The following CELF3 variants were observed in gnomAD, a reference collection of about 807,000 sequenced individuals.
The protein encoded by CELF3 is CUGBP Elav-like family member 3, also known as CAG repeat domain.
A neutral mutation model predicts 59.6 loss-of-function variants in CELF3; 26 were observed. The ratio of observed to expected loss-of-function variants is 0.44; its 90% CI spans 0.32 to 0.61. The LOEUF (loss-of-function observed/expected upper bound fraction) is 0.61, where lower values mean the gene tolerates loss of function less well. CELF3 is among the 20% of genes least tolerant of loss of function. CELF3 has a pLI of 0.06. For missense variants in CELF3, 387 were observed against 627.2 expected (o/e 0.62, Z 4.09); for synonymous variants, 245 against 250.7 (o/e 0.98, Z 0.22).
chr1:151,715,434 G>A (rs1046289778), intron 1 of CELF3, among the ~76,000 whole-genome samples: 2 of 151,920 alleles, frequency 1.3e-5, no homozygotes, highest in Non-Finnish European at 2.9e-5. Flanking sequence ...CCAGCTCCAC[G>A]CTTTCCACAT....
In CELF3 at chr1:151,703,425, C is replaced by T. The variant is rs971658387; in HGVS notation, c.*34G>A. On this transcript the variant is annotated 3_prime_UTR_variant, in exon 13 of 13. Coordinates refer to ENST00000290583, the MANE Select transcript of CELF3 (RefSeq NM_007185.7). Reference sequence around the variant, plus strand: ...AGTCGTGGGAAGAGGGTGTGAGGCGCCCCTTCCTCTGGGATCTCCAGACCT... The same window carrying T: ...AGTCGTGGGAAGAGGGTGTGAGGCGTCCCTTCCTCTGGGATCTCCAGACCT... The T allele has an allele frequency of 2.7e-6, 1 of 364,158 alleles. No homozygotes were observed. The highest frequency in any genetic ancestry group is 5.5e-6 in the Non-Finnish European group (1 of 182,868). 22.6% of individuals were successfully genotyped at this position (364,158 alleles called of 1,614,324 possible).
chr1:151,714,216 C>T (rs917571723), intron 2 of CELF3, among the ~76,000 whole-genome samples: 11 of 152,108 alleles, frequency 7.2e-5, no homozygotes, highest in African/African-American at 2.7e-4. Flanking sequence ...GCCTGCCTTT[C>T]CAGAGTGACA....
At chr1:151,715,741 A>C in intron 1 of CELF3, 135 bp downstream of exon 1, 1 of 1,592,138 alleles carries the variant, frequency 6.3e-7, no homozygotes, top group Non-Finnish European at 8.5e-7. Context: ...CAGCTCCTCC[A>C]TCCACTTTCC....
At chr1:151,704,651 A>T (rs369460039) in intron 12 of CELF3, among the ~76,000 whole-genome samples, 10 of 152,158 alleles carry the variant, frequency 6.6e-5, no homozygotes, top group African/African-American at 2.4e-4. Flanking sequence ...TTAATCCTCC[A>T]GTCCTGTTCC....
At position 151,714,647 on chromosome 1, in the gene CELF3, C is replaced by T; in HGVS notation, c.175G>A (p.Asp59Asn). The T allele has an allele frequency of 6.4e-7, 1 of 1,561,752 alleles. No homozygotes were observed. Among genetic ancestry groups the T allele is most frequent in the Non-Finnish European group, 8.7e-7 (1 of 1,152,676 alleles). The change falls in exon 2 of 13, where the codon GAT (aspartate) becomes AAT (asparagine). Residue 59 changes from aspartate to asparagine, a missense_variant. Physicochemically the swap from Asp to Asn is conservative, Grantham distance 23. Transcript: ENST00000290583. ...GCGCTCTGGGCCTTCAGGGCTGAAT[C>T]CCGGGCACAGTATGTCAGGAAGGCA... ...GCAFLTYCAR[D>N]SALKAQSALH...
chr1:151,706,488 G>A, intron 9 of CELF3, 127 bp from the exon 10 acceptor site: 1 of 1,204,694 alleles, frequency 8.3e-7, no homozygotes, highest in South Asian at 1.5e-5. Flanking sequence ...GGTCAGGGAA[G>A]GAGCTGCCTC....
At chr1:151,708,189 A>T (rs1306707967) in intron 5 of CELF3, 1 of 451,634 alleles carries the variant, frequency 2.2e-6, no homozygotes, top group Non-Finnish European at 3.9e-6. Context: ...TACTGGAATG[A>T]AAAGGGCATC....
At position 151,709,780 on chromosome 1, in the gene CELF3, C is replaced by G; in HGVS notation, c.240G>C (p.Pro80=). 10 of 1,614,148 alleles carry G rather than the reference C, an allele frequency of 6.2e-6. No individual in the cohort carries two copies. The highest frequency in any genetic ancestry group is 1.7e-5 in the Admixed American group (1 of 60,024). ...CGCTGTCGGCTGGCTTGACCTGGAT[C>G]GGCCTGTTCATCTGAAGGAGAGAAG... ...EQKTLPGMNR[P]IQVKPADSES... The change falls in exon 3 of 13, where the codon CCG becomes CCC. Residue 80 remains proline (P), a synonymous_variant. Coordinates refer to ENST00000290583, the MANE Select transcript of CELF3 (RefSeq NM_007185.7). This position sits in a 1 kb window ranked among gnomAD's most constrained non-coding sequence, Gnocchi z 4.9.
Position 151,709,263 on chromosome 1 carries a change from G to A in CELF3, c.363C>T (p.Ile121=), listed in dbSNP as rs375546699. Residue 121 remains isoleucine, a synonymous_variant, in exon 4 of 13, where the codon ATC becomes ATT. Coordinates refer to ENST00000290583, the MANE Select transcript of CELF3 (RefSeq NM_007185.7). The surrounding 1 kb of genome is among the most constrained non-coding windows in gnomAD (Gnocchi z 4.9). ...GCCCCCGGAGCACAGTGCACTCGTC[G>A]ATGGTCCCGAAGGGCTCAAACATCT... The part of the protein sequence containing the change: ...VRKMFEPFGT[I]DECTVLRGPD... 50 of 1,613,934 alleles carry A rather than the reference G, an allele frequency of 3.1e-5. No individual in the cohort carries two copies. The highest frequency in any genetic ancestry group is 1.6e-4 in the Middle Eastern group (1 of 6,078).
At position 151,716,074 on chromosome 1, in the gene CELF3, A is replaced by G. The variant is rs1314410868; in HGVS notation, c.-54T>C. 1 of 1,537,350 alleles carries G rather than the reference A, an allele frequency of 6.5e-7. No homozygotes were observed. The highest frequency in any genetic ancestry group is 2.3e-5 in the East Asian group (1 of 44,040). ...GGAGCAGGGAGAGGCCCAAAGGCCAAGGGGAGCTGCCCAGCAAGGAGATAA... is the reference window on the plus strand; with the variant it reads ...GGAGCAGGGAGAGGCCCAAAGGCCAGGGGGAGCTGCCCAGCAAGGAGATAA... On this transcript the variant is annotated 5_prime_UTR_variant, in exon 1 of 13. Coordinates refer to ENST00000290583, the MANE Select transcript of CELF3 (RefSeq NM_007185.7).
rs80355359 is a variant in CELF3, at chr1:151,701,950, A to G, written c.*1509T>C. On this transcript the variant is annotated 3_prime_UTR_variant, in exon 13 of 13. Coordinates refer to ENST00000290583, the MANE Select transcript of CELF3 (RefSeq NM_007185.7). Reference sequence around the variant, plus strand: ...AGTAAATAAGTAAAATAAATAAACTATAGCCTGCCTCACAAGGTTGTTAGG... The same window carrying G: ...AGTAAATAAGTAAAATAAATAAACTGTAGCCTGCCTCACAAGGTTGTTAGG... Among the ~76,000 whole-genome samples the G allele has an allele frequency of 2.8e-3, 425 of 152,324 alleles. 1 individual carries two copies. Among genetic ancestry groups the G allele is most frequent in the African/African-American group, 9.5e-3 (395 of 41,552 alleles).
Position 151,709,562 on chromosome 1 carries a change from G to A in CELF3, c.277+181C>T, listed in dbSNP as rs1672845627. On this transcript the variant is annotated intron_variant, in intron 3 of 12. Transcript: ENST00000290583. The surrounding 1 kb of genome is among the most constrained non-coding windows in gnomAD (Gnocchi z 4.9). ...GCACTCCACCCTGGGCCTCAGTTTT[G>A]CCATCTGTACCCGCCCCAGATCTCA... 2.2e-6 allele frequency: 2 copies of A among 913,352 alleles called. No individual in the cohort carries two copies. The highest frequency in any genetic ancestry group is 1.6e-5 in the African/African-American group (1 of 60,696). The allele number at this position is 913,352 out of a possible 1,614,324, so 56.6% of individuals were successfully genotyped here.
chr1:151,702,094 T>A lies in CELF3; in HGVS notation c.*1365A>T, dbSNP rs1174060701. Among the ~76,000 whole-genome samples the A allele has an allele frequency of 6.6e-6, 1 of 152,188 alleles. No homozygotes were observed. On this transcript the variant is annotated 3_prime_UTR_variant, in exon 13 of 13. Transcript: ENST00000290583. ...ATCCACACTGGCCTCTGTGCAGAAA[T>A]GGAGGTCCAGATGTGAGACTGCAAG...
chr1:151,706,688 C>G lies in CELF3; in HGVS notation c.969G>C (p.Ala323=). 6.4e-7 allele frequency: 1 copy of G among 1,551,328 alleles called. No homozygotes were observed. The highest frequency in any genetic ancestry group is 1.2e-5 in the South Asian group (1 of 84,050). Residue 323 remains alanine (A), a synonymous_variant, in exon 9 of 13, where the codon GCG becomes GCC. Coordinates refer to ENST00000290583, the MANE Select transcript of CELF3 (RefSeq NM_007185.7). ...CCTCACCTGTGTAGTGCTGCATCCC[C>G]GCGTAGGCCTGCTGCAGGGGGTCCA... ...APVDPLQQAY[A]GMQHYTAAYP...
intron 5 of CELF3, among the ~76,000 whole-genome samples, 186 bp downstream of exon 5, chr1:151,708,812 G>A (rs1360226366): frequency 6.6e-6 from 1 of 152,018 alleles, no homozygotes; most frequent in East Asian, 1.9e-4. Flanking sequence ...TAGGGGAGGA[G>A]TGGGGAGGTG....
chr1:151,709,439 C>G lies in CELF3; in HGVS notation c.278-91G>C. On this transcript the variant is annotated intron_variant, in intron 3 of 12. Coordinates refer to ENST00000290583, the MANE Select transcript of CELF3 (RefSeq NM_007185.7). The surrounding 1 kb of genome is among the most constrained non-coding windows in gnomAD (Gnocchi z 4.9). The stretch of plus-strand genomic sequence containing the variant: ...CCGCCCTTCCCTGGAGCTCCTAACA[C>G]TACTTCTGCTACCCTTAGGGTCCAA... 1 of 1,548,456 alleles carries G rather than the reference C, an allele frequency of 6.5e-7. No homozygotes were observed. Among genetic ancestry groups the G allele is most frequent in the Non-Finnish European group, 8.8e-7 (1 of 1,130,474 alleles).
In CELF3 at chr1:151,707,247, G is replaced by C. The variant is rs200719632; in HGVS notation, c.820C>G (p.Pro274Ala). ...AIAATPVSAI[P>A]AALGVNGYSP... ...TAGCCGTTGACGCCCAGGGCAGCCG[G>C]AATGGCAGAGACAGGCGTGGCAGCG... is the stretch of plus-strand genomic sequence containing the variant. Residue 274 changes from proline (P) to alanine (A), a missense_variant, in exon 8 of 13, where the codon CCG becomes GCG. Around this residue, in one of 3 missense-constraint regions of CELF3, gnomAD observed 131 missense variants for 153.7 expected, o/e 0.85. Transcript: ENST00000290583. 11 of 1,560,080 alleles carry C rather than the reference G, an allele frequency of 7.1e-6. No individual in the cohort carries two copies. In the Admixed American group the frequency reaches 1.9e-4, roughly 26 times the overall value.
intron 1 of CELF3, 47 bp from the exon 2 acceptor site, chr1:151,714,723 C>T (rs1246592668): frequency 7.7e-7 from 1 of 1,297,936 alleles, no homozygotes; most frequent in East Asian, 2.5e-5. Flanking sequence ...GTGAGTCCTC[C>T]ATCTCCCCTC....
chr1:151,703,089 C>A lies in CELF3; in HGVS notation c.*370G>T. ...GCAGGCCCCTGCGGCTCTCCTGGGG[C>A]CTGCACGGGTAGAACAGGCCCACTG... On this transcript the variant is annotated 3_prime_UTR_variant, in exon 13 of 13. Coordinates refer to ENST00000290583, the MANE Select transcript of CELF3 (RefSeq NM_007185.7). The A allele has an allele frequency of 2.2e-6, 1 of 450,186 alleles. No homozygotes were observed. The highest frequency in any genetic ancestry group is 4.5e-6 in the Non-Finnish European group (1 of 223,538). 27.9% of individuals were successfully genotyped at this position (450,186 alleles called of 1,614,324 possible). A position where few individuals can be genotyped will look rare whatever the true frequency, so the allele number is the denominator to read the frequency against.
Sources: gnomAD v4.1 joint callset for allele counts (sites outside exome capture counted in the v4.1 genomes callset) on GRCh38, gnomAD v4.1.1 for gene constraint, gnomAD v4.1.1 regional missense constraint, Gnocchi (gnomAD v3.1) non-coding constraint, MANE v1.5 for transcripts, NCBI Gene and HGNC (gene_info 2026-07-23, HGNC 2026-07-21) for gene names.